Variants in CGNL1 observed in about 807,000 individuals in gnomAD.
The protein encoded by CGNL1 is cingulin-like protein 1.
In CGNL1, 132 loss-of-function variants were observed where a neutral mutation model predicts 141.2. The ratio of observed to expected loss-of-function variants is 0.93; its 90% CI spans 0.81 to 1.08. The LOEUF is 1.08. Among genes scored for constraint, CGNL1 ranks in the 50% least tolerant of loss-of-function variants. The probability of loss-of-function intolerance (pLI) is 0.00; values close to 1 mark genes in which losing one functional copy is unlikely to be tolerated. For synonymous variants in CGNL1, 690 were observed against 622.1 expected (o/e 1.11, Z -1.63); for missense variants, 1,870 against 1,588.6 (o/e 1.18, Z -3.01).
At chr15:57,405,874 C>T (rs1278086201) in intron 1 of CGNL1, 1 of 142,384 alleles carries the variant, frequency 7.0e-6, no homozygotes, top group African/African-American at 2.6e-5. Context: ...TTCTGTCTGT[C>T]CGTCTGTCTG....
At chr15:57,500,007 C>G (rs189427493) in intron 8 of CGNL1, among the ~76,000 whole-genome samples, 23 of 152,158 alleles carry the variant, frequency 1.5e-4, no homozygotes, top group African/African-American at 4.8e-4. Context: ...CTAGGTCATT[C>G]TGGAAGATAC....
chr15:57,450,919 C>G (rs1015721358), intron 4 of CGNL1, among the ~76,000 whole-genome samples: 1 of 152,080 alleles, frequency 6.6e-6, no homozygotes, highest in East Asian at 1.9e-4. Context: ...TGCATAAAAC[C>G]TGGTCCCTGC....
chr15:57,540,493 T>A lies in CGNL1; in HGVS notation c.3292-3203T>A, dbSNP rs191865368. 1.2e-3 allele frequency among the ~76,000 whole-genome samples: 185 copies of A among 152,310 alleles called. 4 individuals carry two copies. Among genetic ancestry groups the A allele is most frequent in the Admixed American group, 0.011 (163 of 15,302 alleles). ...CGTGATTCAGTTACCTCCCACTGGGTCCCTCCCATGACACTGGGGATTGTG... is the reference window on the plus strand; with the variant it reads ...CGTGATTCAGTTACCTCCCACTGGGACCCTCCCATGACACTGGGGATTGTG... On this transcript the variant is annotated intron_variant, in intron 14 of 18. Transcript: ENST00000281282.
In CGNL1 at chr15:57,442,496, A is replaced by T. The variant is rs769531130; in HGVS notation, c.1803+18A>T. 1 of 1,481,896 alleles carries T rather than the reference A, an allele frequency of 6.7e-7. No homozygotes were observed. The highest frequency in any genetic ancestry group is 1.1e-5 in the South Asian group (1 of 88,198). The allele number at this position is 1,481,896 out of a possible 1,614,324, so 91.8% of individuals were successfully genotyped here. ...ATAACCAAGTAAATGGAAGTTTTGT[A>T]TTTTGTAGAGTGCATTTAGCATGGA... On this transcript the variant is annotated intron_variant, in intron 4 of 18. Coordinates refer to ENST00000281282, the MANE Select transcript of CGNL1 (RefSeq NM_032866.5).
intron 12 of CGNL1, among the ~76,000 whole-genome samples, chr15:57,525,628 A>T (rs1478847783): frequency 1.3e-5 from 2 of 152,366 alleles, no homozygotes; most frequent in East Asian, 3.9e-4. Flanking sequence ...TTTCATGAAC[A>T]GTGCCGAGAG....
At chr15:57,461,584 G>T (rs1183611274) in intron 7 of CGNL1, 96 bp from the exon 8 acceptor site, 3 of 985,172 alleles carry the variant, frequency 3.0e-6, no homozygotes, top group Non-Finnish European at 4.8e-6. Context: ...CAGGTGAGAT[G>T]GCTGTGCACA....
At chr15:57,436,749 G>A (rs2063110492) in intron 1 of CGNL1, among the ~76,000 whole-genome samples, 1 of 152,120 alleles carries the variant, frequency 6.6e-6, no homozygotes, top group Non-Finnish European at 1.5e-5. Context: ...AGAAAAAAAT[G>A]CTTGATAAAT....
In CGNL1 at chr15:57,543,737, G is replaced by C. The variant is rs753380114; in HGVS notation, c.3333G>C (p.Ala1111=). The C allele has an allele frequency of 1.9e-6, 3 of 1,614,020 alleles. No individual in the cohort carries two copies. In the East Asian group the frequency reaches 6.7e-5, roughly 36 times the overall value. Residue 1111 remains alanine (A), a synonymous_variant, in exon 15 of 19, where the codon GCG becomes GCC. Transcript: ENST00000281282. ...LRNELLQERA[A]RQDLECDKIS... ...ATGAGCTACTTCAGGAGAGAGCTGC[G>C]AGACAAGACTTGGAGTGCGACAAGA...
intron 8 of CGNL1, among the ~76,000 whole-genome samples, chr15:57,510,285 C>T (rs1186961700): frequency 1.3e-5 from 2 of 152,204 alleles, no homozygotes; most frequent in African/African-American, 4.8e-5. Context: ...AGGTGGGCAA[C>T]TTCATCCCCC....
chr15:57,392,595 C>A (rs2062555401), intron 1 of CGNL1, among the ~76,000 whole-genome samples: 1 of 152,150 alleles, frequency 6.6e-6, no homozygotes, highest in Non-Finnish European at 1.5e-5. Context: ...TCCTTGAGCT[C>A]CCAGAATCTA....
At chr15:57,461,448 C>T (rs2063444940) in intron 7 of CGNL1, among the ~76,000 whole-genome samples, 1 of 152,126 alleles carries the variant, frequency 6.6e-6, no homozygotes, top group Admixed American at 6.5e-5. Flanking sequence ...CCCTCAAATT[C>T]AATCAAATCT....
Position 57,546,169 on chromosome 15 carries a change from G to A in CGNL1, c.3703G>A (p.Glu1235Lys). The A allele has an allele frequency of 6.2e-7, 1 of 1,611,470 alleles. No individual in the cohort carries two copies. Among genetic ancestry groups the A allele is most frequent in the Non-Finnish European group, 8.5e-7 (1 of 1,178,850 alleles). ...AAGTTCTAAAAAGAAGCTGCAGAGG[G>A]AGCTGGAGGAGCAGATGGACATGAA... is the stretch of plus-strand genomic sequence containing the variant. ...LESSKKKLQR[E>K]LEEQMDMNEH... Residue 1235 changes from glutamate to lysine, a missense_variant, in exon 18 of 19, where the codon GAG becomes AAG. Coordinates refer to ENST00000281282, the MANE Select transcript of CGNL1 (RefSeq NM_032866.5).
chr15:57,540,134 T>G (rs2032486782), intron 14 of CGNL1, among the ~76,000 whole-genome samples: 1 of 152,160 alleles, frequency 6.6e-6, no homozygotes, highest in South Asian at 2.1e-4. Context: ...ACTGCCCTTC[T>G]CTTTCTTACC....
chr15:57,415,688 C>T (rs12440995), intron 1 of CGNL1, among the ~76,000 whole-genome samples: 15,757 of 152,256 alleles, frequency 0.1, 927 homozygotes, highest in Middle Eastern at 0.19. Context: ...CCTGCTTTCA[C>T]ATGTCCTCCA....
At chr15:57,491,521 C>T (rs191066722) in intron 8 of CGNL1, among the ~76,000 whole-genome samples, 2 of 152,300 alleles carry the variant, frequency 1.3e-5, no homozygotes, top group Non-Finnish European at 2.9e-5. Flanking sequence ...GACGCACTCA[C>T]ATGTTTGTTA....
intron 10 of CGNL1, among the ~76,000 whole-genome samples, chr15:57,518,937 G>T (rs1416356571): frequency 6.6e-6 from 1 of 152,220 alleles, no homozygotes; most frequent in South Asian, 2.1e-4. Flanking sequence ...CCTCCGAGGC[G>T]GTGTGGAGTC....
intron 1 of CGNL1, among the ~76,000 whole-genome samples, chr15:57,401,208 A>C (rs2062657246): frequency 6.6e-6 from 1 of 152,170 alleles, no homozygotes; most frequent in Admixed American, 6.6e-5. Context: ...TAATTTAGCC[A>C]ATCTTCTATT....
chr15:57,484,366 A>C (rs1157029463), intron 8 of CGNL1, among the ~76,000 whole-genome samples: 1 of 152,320 alleles, frequency 6.6e-6, no homozygotes, highest in African/African-American at 2.4e-5. Flanking sequence ...GGTCTATTTC[A>C]TCTAAGTTGT....
chr15:57,422,202 C>T (rs2062923284), intron 1 of CGNL1, among the ~76,000 whole-genome samples: 1 of 148,952 alleles, frequency 6.7e-6, no homozygotes, highest in Non-Finnish European at 1.5e-5. Flanking sequence ...CAGTTTTTTT[C>T]TCCTTTCCTT....
Sources: allele counts gnomAD v4.1 joint callset (sites outside exome capture counted in the v4.1 genomes callset), GRCh38; gene constraint gnomAD v4.1.1; transcripts MANE v1.5; gene names NCBI Gene and HGNC (gene_info 2026-07-23, HGNC 2026-07-21).